IQCK: variants seen among roughly 807,000 people sequenced by gnomAD.
The protein encoded by IQCK is IQ motif containing K, also known as IQ domain-containing protein K.
A neutral mutation model predicts 28.1 loss-of-function variants in IQCK; 29 were observed. The observed-to-expected ratio is 1.03, with a 90% CI of 0.77 to 1.41. The LOEUF is 1.41. IQCK is among the 40% of genes most tolerant of loss of function. IQCK has a pLI of 0.00. For missense variants in IQCK, 359 were observed against 314.7 expected (o/e 1.14, Z -1.07); for synonymous variants, 113 against 115.1 (o/e 0.98, Z 0.12).
chr16:19,813,829 C>T lies in IQCK; in HGVS notation c.691-13197C>T, dbSNP rs558916237. The stretch of plus-strand genomic sequence containing the variant: ...AGGTTGGAGTTAAGCATTTTAAAGT[C>T]CTTGTGTTGTTTGGGAGGAGGCTGG... On this transcript the variant is annotated intron_variant, in intron 7 of 7. Transcript: ENST00000564186. Among the ~76,000 whole-genome samples, 14 of 151,682 alleles carry T rather than the reference C, an allele frequency of 9.2e-5. No homozygotes were observed. The South Asian group carries it at 2.7e-3, about 29-fold the overall frequency.
intron 6 of IQCK, among the ~76,000 whole-genome samples, chr16:19,765,143 A>C (rs1597536067): frequency 7.0e-6 from 1 of 142,610 alleles, no homozygotes; most frequent in Non-Finnish European, 1.5e-5. Context: ...AATGGCGTGA[A>C]CCCTGGAGGC....
intron 6 of IQCK, among the ~76,000 whole-genome samples, chr16:19,769,901 A>G (rs1271932024): frequency 6.6e-6 from 1 of 152,134 alleles, no homozygotes; most frequent in East Asian, 1.9e-4. Context: ...TGGATGACCC[A>G]GGATAAATTT....
intron 9 of IQCK, among the ~76,000 whole-genome samples, chr16:19,836,277 T>A (rs185871531): frequency 6.6e-6 from 1 of 152,330 alleles, no homozygotes; most frequent in Non-Finnish European, 1.5e-5. Flanking sequence ...AAGAGACATC[T>A]AGTGACTTCA....
At chr16:19,721,027 C>A (rs13331696) in intron 1 of IQCK, among the ~76,000 whole-genome samples, 2,824 of 147,972 alleles carry the variant, frequency 0.019, 70 homozygotes, top group African/African-American at 0.066. Context: ...AAAAAAAAAA[C>A]AATTCAGTGA....
chr16:19,822,595 C>A (rs1175301391), intron 7 of IQCK, among the ~76,000 whole-genome samples: 1 of 151,886 alleles, frequency 6.6e-6, no homozygotes, highest in African/African-American at 2.4e-5. Context: ...TAGGAAATAT[C>A]CAGAATAGGC....
chr16:19,736,599 C>T (rs951629157), intron 4 of IQCK, among the ~76,000 whole-genome samples: 1 of 152,168 alleles, frequency 6.6e-6, no homozygotes, highest in African/African-American at 2.4e-5. Flanking sequence ...GTTTTGAATT[C>T]TAGAATTTTG....
chr16:19,832,738 T>G (rs1439347084), intron 9 of IQCK, among the ~76,000 whole-genome samples: 1 of 152,190 alleles, frequency 6.6e-6, no homozygotes, highest in Non-Finnish European at 1.5e-5. Context: ...TTTAATTGAC[T>G]TACAGTTCTG....
intron 1 of IQCK, among the ~76,000 whole-genome samples, chr16:19,725,652 A>G (rs1225890901): frequency 6.6e-6 from 1 of 152,244 alleles, no homozygotes; most frequent in African/African-American, 2.4e-5. Context: ...AAATTCTTTT[A>G]TGCCTTTCAA....
At chr16:19,857,745 TAAAAAA>T (rs397937342) in exon 10 of IQCK, 3 of 98,632 alleles carry the variant, frequency 3.0e-5, no homozygotes, top group Non-Finnish European at 4.1e-5. Context: ...GCATCTGGGC[TAAAAAA>T]AAAAAAAAAA....
At chr16:19,827,247 A>G (rs1387599317), downstream of IQCK, 7 of 720,306 alleles carry the variant, frequency 9.7e-6, no homozygotes, top group South Asian at 6.6e-5. Context: ...TCTGCATGGA[A>G]CTCAGCTTGT....
At chr16:19,854,062 A>G (rs762437304) in intron 9 of IQCK, among the ~76,000 whole-genome samples, 4 of 152,260 alleles carry the variant, frequency 2.6e-5, no homozygotes, top group African/African-American at 4.8e-5. Context: ...TCTAAGCCCC[A>G]TCTGTGTCTC....
chr16:19,790,445 A>G (rs1225553299), intron 7 of IQCK, among the ~76,000 whole-genome samples: 1 of 107,322 alleles, frequency 9.3e-6, no homozygotes, highest in Non-Finnish European at 1.6e-5. Flanking sequence ...GAATGAGCTT[A>G]CATTTAACAT....
intron 9 of IQCK, among the ~76,000 whole-genome samples, chr16:19,846,975 A>G (rs1403201229): frequency 2.0e-5 from 3 of 152,104 alleles, no homozygotes; most frequent in Non-Finnish European, 4.4e-5. Context: ...GATGGTTAAG[A>G]CCATGGGTTT....
At chr16:19,818,691 C>T (rs1359983463) in intron 7 of IQCK, among the ~76,000 whole-genome samples, 1 of 152,052 alleles carries the variant, frequency 6.6e-6, no homozygotes, top group African/African-American at 2.4e-5. Context: ...TCGTGCTCAG[C>T]CGTTTTTTAT....
intron 1 of IQCK, among the ~76,000 whole-genome samples, chr16:19,723,033 G>A (rs902254852): frequency 1.3e-5 from 2 of 151,904 alleles, no homozygotes; most frequent in Non-Finnish European, 2.9e-5. Context: ...CACTTTCCAC[G>A]GCCCCACACT....
chr16:19,820,120 C>A (rs150763027), intron 7 of IQCK, among the ~76,000 whole-genome samples: 2 of 152,066 alleles, frequency 1.3e-5, no homozygotes, highest in African/African-American at 4.8e-5. Context: ...CACTACCCAA[C>A]TCTTAGAAGA....
chr16:19,751,449 G>C (rs2054985802), intron 4 of IQCK, among the ~76,000 whole-genome samples: 1 of 152,158 alleles, frequency 6.6e-6, no homozygotes, highest in African/African-American at 2.4e-5. Context: ...CTGCACTCCA[G>C]CTTGGGTGAC....
intron 4 of IQCK, among the ~76,000 whole-genome samples, chr16:19,744,163 G>T (rs2054874334): frequency 6.6e-6 from 1 of 151,984 alleles, no homozygotes; most frequent in African/African-American, 2.4e-5. Context: ...CTCATCTTGT[G>T]ATTCTTTTAT....
chr16:19,741,039 A>G (rs960016321), intron 4 of IQCK, among the ~76,000 whole-genome samples: 2 of 152,042 alleles, frequency 1.3e-5, no homozygotes, highest in Admixed American at 6.6e-5. Flanking sequence ...GTTCTGTTCA[A>G]CAAACATTCA....
Sources: allele counts gnomAD v4.1 joint callset (sites outside exome capture counted in the v4.1 genomes callset), GRCh38; gene constraint gnomAD v4.1.1; transcripts MANE v1.5; gene names NCBI Gene and HGNC (gene_info 2026-07-23, HGNC 2026-07-21).